VPS37B: variants seen among roughly 807,000 people sequenced by gnomAD.
The protein encoded by VPS37B is vacuolar protein sorting-associated protein 37B.
In VPS37B, 11 loss-of-function variants were observed where a neutral mutation model predicts 21.2. The observed-to-expected ratio is 0.52, with a 90% CI of 0.33 to 0.86. The LOEUF is 0.86. Among genes scored for constraint, VPS37B ranks in the 40% least tolerant of loss-of-function variants. The pLI, the probability that VPS37B is intolerant of heterozygous loss-of-function variation, is 0.03. For synonymous variants in VPS37B, 175 were observed against 159.6 expected (o/e 1.10, Z -0.73); for missense variants, 389 against 374.8 (o/e 1.04, Z -0.31).
chr12:122,880,626 A>C (rs1376543596), intron 1 of VPS37B: 1 of 151,760 alleles, frequency 6.6e-6, no homozygotes, highest in Non-Finnish European at 1.5e-5. Context: ...AGCCCAGGAG[A>C]CCAAGACCAG....
At chr12:122,892,177 C>T (rs1345968653) in intron 1 of VPS37B, among the ~76,000 whole-genome samples, 1 of 152,146 alleles carries the variant, frequency 6.6e-6, no homozygotes, top group African/African-American at 2.4e-5. Context: ...AAACATTAGC[C>T]TGCAGCACAG....
intron 2 of VPS37B, among the ~76,000 whole-genome samples, chr12:122,869,500 A>G (rs2135697030): frequency 6.6e-6 from 1 of 152,354 alleles, no homozygotes; most frequent in East Asian, 1.9e-4. Flanking sequence ...ACTTTTCGTC[A>G]TTCTGGTTTG....
At chr12:122,893,145 G>A (rs2034441152) in intron 1 of VPS37B, among the ~76,000 whole-genome samples, 1 of 151,970 alleles carries the variant, frequency 6.6e-6, no homozygotes, top group African/African-American at 2.4e-5. Context: ...TGGGATCCTA[G>A]TAACTTTCAG....
At chr12:122,869,887 C>T (rs1303495207) in intron 2 of VPS37B, among the ~76,000 whole-genome samples, 13 of 152,178 alleles carry the variant, frequency 8.5e-5, no homozygotes, top group Admixed American at 4.6e-4. Flanking sequence ...GGACCATAGG[C>T]GTGTGCCACC....
At position 122,867,287 on chromosome 12, in the gene VPS37B, C is replaced by G; in HGVS notation, c.687G>C (p.Ser229=). The G allele has an allele frequency of 6.4e-7, 1 of 1,566,350 alleles. No individual in the cohort carries two copies. The highest frequency in any genetic ancestry group is 1.2e-5 in the South Asian group (1 of 85,330). Residue 229 remains serine, a synonymous_variant, in exon 4 of 4, where the codon TCG becomes TCC. Coordinates refer to ENST00000267202, the MANE Select transcript of VPS37B (RefSeq NM_024667.3). The surrounding 1 kb of genome is among the most constrained non-coding windows in gnomAD (Gnocchi z 5.5). The part of the protein sequence containing the change: ...LATPFTAAMS[S]GQAVPYPGLQ... ...ATCCTGGGTACGGCACGGCCTGTCC[C>G]GAACTCATGGCCGCAGTAAACGGGG...
At chr12:122,887,489 T>A (rs2034345883) in intron 1 of VPS37B, 1 of 152,438 alleles carries the variant, frequency 6.6e-6, no homozygotes, top group Non-Finnish European at 1.5e-5. Flanking sequence ...CTGTCCCGGC[T>A]TCTTCCCTAA....
intron 1 of VPS37B, chr12:122,885,715 G>C (rs1307698571): frequency 3.6e-5 from 4 of 110,996 alleles, no homozygotes; most frequent in Admixed American, 1.5e-4. Flanking sequence ...ACGGAGTCTC[G>C]CTCTGTCGCC....
chr12:122,895,984 G>C lies in VPS37B; in HGVS notation c.79C>G (p.Gln27Glu). Residue 27 changes from glutamine (Q) to glutamate (E), a missense_variant, in exon 1 of 4, where the codon CAG becomes GAG. By Grantham distance (29) the Gln-to-Glu change is conservative. Coordinates refer to ENST00000267202, the MANE Select transcript of VPS37B (RefSeq NM_024667.3). ...ATCTTCTGCACCATCTCCGTCAGCT[G>C]GCCCTCGTCCTCCAGCAGCTCGTTG... is the stretch of plus-strand genomic sequence containing the variant. ...QLNELLEDEG[Q>E]LTEMVQKMEE... The C allele has an allele frequency of 6.2e-7, 1 of 1,608,804 alleles. No individual in the cohort carries two copies. The highest frequency in any genetic ancestry group is 8.5e-7 in the Non-Finnish European group (1 of 1,178,060).
At chr12:122,872,977 G>C (rs1156254504) in intron 1 of VPS37B, 1 of 152,538 alleles carries the variant, frequency 6.6e-6, no homozygotes, top group Non-Finnish European at 1.5e-5. Context: ...TGGCGGGACT[G>C]AGAACGCTCT....
intron 1 of VPS37B, chr12:122,873,721 C>CTCTGTCAGCGCCCA (rs1424580977): frequency 6.6e-6 from 1 of 152,318 alleles, no homozygotes; most frequent in Non-Finnish European, 1.5e-5. Context: ...AGCAGCCACC[C>CTCTGTCAGCGCCCA]TCTGTCAGCG....
chr12:122,867,742 G>A lies in VPS37B; in HGVS notation c.367-135C>T, dbSNP rs75507485. 17,776 of 1,168,224 alleles carry A rather than the reference G, an allele frequency of 0.015. 1,809 individuals carry two copies. In the African/African-American group the frequency reaches 0.23, roughly 15 times the overall value. 72.4% of individuals were successfully genotyped at this position (1,168,224 alleles called of 1,614,324 possible). A position where few individuals can be genotyped will look rare whatever the true frequency, so the allele number is the denominator to read the frequency against. On this transcript the variant is annotated intron_variant, in intron 3 of 3. Coordinates refer to ENST00000267202, the MANE Select transcript of VPS37B (RefSeq NM_024667.3). The surrounding 1 kb of genome is among the most constrained non-coding windows in gnomAD (Gnocchi z 5.5). Reference sequence around the variant, plus strand: ...TCCCTGTAACCACCCAGAGGGCCTCGCTCCTGCTCCAGATCCCAGAGGTCA... The same window carrying A: ...TCCCTGTAACCACCCAGAGGGCCTCACTCCTGCTCCAGATCCCAGAGGTCA...
chr12:122,892,529 G>A (rs922395746), intron 1 of VPS37B, among the ~76,000 whole-genome samples: 2 of 151,850 alleles, frequency 1.3e-5, no homozygotes, highest in Admixed American at 6.6e-5. Flanking sequence ...GAAATCCTTT[G>A]GTTCAGGTTA....
At chr12:122,871,488 G>A (rs756648437) in intron 1 of VPS37B, 5 of 988,370 alleles carry the variant, frequency 5.1e-6, no homozygotes, top group Non-Finnish European at 6.0e-6. Context: ...AGACCAGTTG[G>A]CATGATGTCA....
At chr12:122,877,405 A>C (rs1475184440) in intron 1 of VPS37B, 1 of 152,180 alleles carries the variant, frequency 6.6e-6, no homozygotes, top group Non-Finnish European at 1.5e-5. Context: ...TTTTTGAGAC[A>C]GGGTCTTGTT....
At chr12:122,871,278 C>G in intron 1 of VPS37B, 1 of 1,325,096 alleles carries the variant, frequency 7.5e-7, no homozygotes, top group Non-Finnish European at 9.6e-7. Context: ...GGCCGACTTC[C>G]TTCCAGCACG....
chr12:122,870,829 G>A (rs906230311), intron 2 of VPS37B, 61 bp downstream of exon 2: 13 of 1,536,614 alleles, frequency 8.5e-6, no homozygotes, highest in African/African-American at 6.9e-5. Context: ...TAGGGCAATA[G>A]CTTGAAAATG....
intron 1 of VPS37B, among the ~76,000 whole-genome samples, chr12:122,893,204 T>C (rs56294931): frequency 0.024 from 3,614 of 152,350 alleles, 88 homozygotes; most frequent in South Asian, 0.06. Context: ...AAGAGAACTA[T>C]TAATATAAGT....
At chr12:122,872,772 C>G in intron 1 of VPS37B, 2 of 843,942 alleles carry the variant, frequency 2.4e-6, no homozygotes, top group Non-Finnish European at 1.4e-6. Context: ...AAGTTGTACT[C>G]TTGGGCATTT....
intron 1 of VPS37B, chr12:122,872,690 ACCACTGTATGG>A (rs1043679962): frequency 1.0e-6 from 1 of 984,986 alleles, no homozygotes; most frequent in Non-Finnish European, 1.2e-6. Context: ...ACAAACAAAA[ACCACTGTATGG>A]CCACTCTGGA....
Sources: gnomAD v4.1 joint callset for allele counts (sites outside exome capture counted in the v4.1 genomes callset) on GRCh38, gnomAD v4.1.1 for gene constraint, Gnocchi (gnomAD v3.1) non-coding constraint, MANE v1.5 for transcripts, NCBI Gene and HGNC (gene_info 2026-07-23, HGNC 2026-07-21) for gene names.